The following PTAR1 variants were observed in gnomAD, a reference collection of about 807,000 sequenced individuals.
PTAR1 encodes protein prenyltransferase alpha subunit repeat containing 1.
PTAR1 carries 17 observed loss-of-function variants against 45.5 expected under a neutral mutation model. That is an observed-to-expected ratio of 0.37 (90% CI 0.26 to 0.56). PTAR1 has a LOEUF of 0.56. PTAR1 is among the 20% of genes least tolerant of loss of function. The probability of loss-of-function intolerance (pLI) is 0.77; values close to 1 mark genes in which losing one functional copy is unlikely to be tolerated. For synonymous variants in PTAR1, 169 were observed against 171.3 expected (o/e 0.99, Z 0.11); for missense variants, 391 against 476.3 (o/e 0.82, Z 1.67).
In PTAR1 at chr9:69,718,650, CATTTAAGTG is replaced by C; in HGVS notation, c.973_981del (p.His325_Asn327del). ...TGGGTCATGCTGTGAGGAAACCTAC[CATTTAAGTG>C]ATGCTGAAGGTAGAAAATATGCCGC... On this transcript the variant is annotated inframe_deletion and splice_region_variant, in exon 7 of 8. Coordinates refer to ENST00000340434, the MANE Select transcript of PTAR1 (RefSeq NM_001099666.2). 1 of 1,599,788 alleles carries C rather than the reference CATTTAAGTG, an allele frequency of 6.3e-7. No homozygotes were observed. Among genetic ancestry groups the C allele is most frequent in the Non-Finnish European group, 8.5e-7 (1 of 1,171,880 alleles).
intron 1 of PTAR1, among the ~76,000 whole-genome samples, chr9:69,758,901 G>C (rs1162720515): frequency 6.7e-6 from 1 of 149,076 alleles, no homozygotes; most frequent in Non-Finnish European, 1.5e-5. Flanking sequence ...TAGCTAAAAT[G>C]AAAGTAATGC....
chr9:69,723,806 A>G (rs964548238), intron 5 of PTAR1, among the ~76,000 whole-genome samples, 176 bp from the exon 6 acceptor site: 4 of 152,156 alleles, frequency 2.6e-5, no homozygotes, highest in Non-Finnish European at 5.9e-5. Context: ...AATACATGCG[A>G]ATTTTCTCTT....
At chr9:69,741,149 A>C (rs1826028317) in intron 3 of PTAR1, among the ~76,000 whole-genome samples, 1 of 152,178 alleles carries the variant, frequency 6.6e-6, no homozygotes, top group African/African-American at 2.4e-5. Context: ...TGGGGATCTT[A>C]AAACAGTTTC....
At chr9:69,742,039 A>T (rs776022840) in intron 2 of PTAR1, among the ~76,000 whole-genome samples, 181 bp from the exon 3 acceptor site, 11 of 152,048 alleles carry the variant, frequency 7.2e-5, no homozygotes, top group Admixed American at 5.9e-4. Flanking sequence ...TACTCTCAAG[A>T]CCCTCTCCTG....
At chr9:69,734,058 C>A (rs1363123717) in intron 4 of PTAR1, 92 bp downstream of exon 4, 4 of 744,816 alleles carry the variant, frequency 5.4e-6, no homozygotes, top group Non-Finnish European at 9.2e-6. Flanking sequence ...TGCTCTGGAA[C>A]CAATAAGTAA....
chr9:69,719,318 G>C (rs1824877513), intron 6 of PTAR1, among the ~76,000 whole-genome samples: 1 of 152,122 alleles, frequency 6.6e-6, no homozygotes, highest in Admixed American at 6.6e-5. Flanking sequence ...CCTCCGAGGA[G>C]AGCAATTCTC....
At chr9:69,735,055 AT>A (rs1790524681) in intron 3 of PTAR1, among the ~76,000 whole-genome samples, 1 of 152,196 alleles carries the variant, frequency 6.6e-6, no homozygotes, top group African/African-American at 2.4e-5. Flanking sequence ...CTTACTTTGG[AT>A]AAGTTTCCAA....
At chr9:69,740,333 A>G (rs923988310) in intron 3 of PTAR1, among the ~76,000 whole-genome samples, 2 of 152,074 alleles carry the variant, frequency 1.3e-5, no homozygotes, top group African/African-American at 4.8e-5. Flanking sequence ...TCTTAGGCCT[A>G]GGTTTTTTTC....
In PTAR1 at chr9:69,751,184, TAA is replaced by T. The variant is rs1196805207; in HGVS notation, c.87-236_87-235del. The stretch of plus-strand genomic sequence containing the variant: ...CTGGTCTTGCCTTTGGATGGCAACT[TAA>T]AAAAAAGTCTTTCAAAATTTTGAAG... On this transcript the variant is annotated intron_variant, in intron 1 of 7. Transcript: ENST00000340434. 5.3e-5 allele frequency among the ~76,000 whole-genome samples: 8 copies of T among 151,772 alleles called. No homozygotes were observed. The East Asian group carries it at 9.7e-4, about 18-fold the overall frequency.
intron 3 of PTAR1, among the ~76,000 whole-genome samples, chr9:69,735,253 C>G (rs921766279): frequency 5.9e-5 from 9 of 152,138 alleles, no homozygotes; most frequent in African/African-American, 1.7e-4. Context: ...GGGCTTGGTT[C>G]AGGACCTCCC....
At chr9:69,738,834 A>T (rs1415348864) in intron 3 of PTAR1, among the ~76,000 whole-genome samples, 1 of 138,864 alleles carries the variant, frequency 7.2e-6, no homozygotes, top group Non-Finnish European at 1.5e-5. Flanking sequence ...TTTGAGACGG[A>T]GTCTTGCTCT....
rs1003923000 is a variant in PTAR1 at position 69,760,007 on chromosome 9, A to G, written c.-69T>C. 2 of 1,264,416 alleles carry G rather than the reference A, an allele frequency of 1.6e-6. No homozygotes were observed. Among genetic ancestry groups the G allele is most frequent in the South Asian group, 2.4e-5 (1 of 42,048 alleles). The allele number at this position is 1,264,416 out of a possible 1,614,324, so 78.3% of individuals were successfully genotyped here. ...CGGGCCGCCGGCGGGAGTTCCGCGG[A>G]GAACGAGCGCGCGCGCGCGCGCGCG... On this transcript the variant is annotated 5_prime_UTR_variant, in exon 1 of 8. Transcript: ENST00000340434.
At chr9:69,736,349 G>A (rs1825787677) in intron 3 of PTAR1, among the ~76,000 whole-genome samples, 1 of 152,154 alleles carries the variant, frequency 6.6e-6, no homozygotes, top group African/African-American at 2.4e-5. Flanking sequence ...ACGAGGTCAA[G>A]AGATTGAGAC....
intron 1 of PTAR1, among the ~76,000 whole-genome samples, chr9:69,751,825 C>T (rs1161447693): frequency 6.6e-6 from 1 of 152,032 alleles, no homozygotes; most frequent in Non-Finnish European, 1.5e-5. Flanking sequence ...TAATTTTCCT[C>T]TGTGGTAGCA....
chr9:69,733,580 C>A (rs949842501), intron 4 of PTAR1, among the ~76,000 whole-genome samples: 1 of 152,068 alleles, frequency 6.6e-6, no homozygotes, highest in African/African-American at 2.4e-5. Flanking sequence ...GCTATCTGTC[C>A]CATGCTTTTA....
At chr9:69,733,712 C>G (rs2134114696) in intron 4 of PTAR1, among the ~76,000 whole-genome samples, 1 of 152,298 alleles carries the variant, frequency 6.6e-6, no homozygotes, top group Admixed American at 6.5e-5. Flanking sequence ...CCATCACCAC[C>G]AACATCTTTA....
intron 4 of PTAR1, 123 bp from the exon 5 acceptor site, chr9:69,732,475 A>G: frequency 1.4e-6 from 1 of 693,022 alleles, no homozygotes; most frequent in Non-Finnish European, 2.4e-6. Context: ...ATACCTGTTT[A>G]TAAGTCTAGT....
intron 5 of PTAR1, among the ~76,000 whole-genome samples, chr9:69,728,827 C>CT (rs1825400841): frequency 6.6e-6 from 1 of 152,080 alleles, no homozygotes; most frequent in Admixed American, 6.6e-5. Context: ...CCCTATACTA[C>CT]TTTTAATCAA....
At chr9:69,732,852 T>G (rs887895537) in intron 4 of PTAR1, among the ~76,000 whole-genome samples, 3 of 152,186 alleles carry the variant, frequency 2.0e-5, no homozygotes, top group African/African-American at 7.2e-5. Context: ...TAGCATAAAA[T>G]CTGGAAGGTA....
Sources: gnomAD v4.1 joint callset for allele counts (sites outside exome capture counted in the v4.1 genomes callset) on GRCh38, gnomAD v4.1.1 for gene constraint, MANE v1.5 for transcripts, NCBI Gene and HGNC (gene_info 2026-07-23, HGNC 2026-07-21) for gene names.